STAC: variants seen among roughly 807,000 people sequenced by gnomAD.
STAC encodes the protein SH3 and cysteine-rich domain-containing protein.
Under a neutral mutation model 48.8 loss-of-function variants are expected in STAC, and 43 were observed. That is an observed-to-expected ratio of 0.88 (90% CI 0.69 to 1.14). The LOEUF is 1.14. Ranked by LOEUF, STAC falls within the 50% of genes most tolerant of loss-of-function variation. The probability of loss-of-function intolerance (pLI) is 0.00; values close to 1 mark genes in which losing one functional copy is unlikely to be tolerated. For missense variants in STAC, 497 were observed against 504.0 expected, an observed-to-expected ratio of 0.99 and a Z score of 0.13; for synonymous variants, 193 against 179.5, an observed-to-expected ratio of 1.07 and a Z score of -0.60.
chr3:36,400,560 T>C (rs1310065832), intron 1 of STAC, among the ~76,000 whole-genome samples: 1 of 152,192 alleles, frequency 6.6e-6, no homozygotes, highest in Non-Finnish European at 1.5e-5. Flanking sequence ...CCTTCAAGAA[T>C]GTTATAGAGC....
intron 1 of STAC, among the ~76,000 whole-genome samples, chr3:36,441,253 T>C (rs754422916): frequency 2.4e-4 from 36 of 152,324 alleles, no homozygotes; most frequent in Non-Finnish European, 4.3e-4. Context: ...CTTCTCCCTG[T>C]GCTTGCCAGT....
chr3:36,538,538 C>T (rs1014013622), intron 10 of STAC, among the ~76,000 whole-genome samples: 18 of 152,212 alleles, frequency 1.2e-4, no homozygotes, highest in African/African-American at 4.1e-4. Flanking sequence ...TGGAATTTAG[C>T]GGAAAACAGA....
intron 10 of STAC, among the ~76,000 whole-genome samples, chr3:36,533,491 T>A (rs1165227166): frequency 6.7e-6 from 1 of 150,022 alleles, no homozygotes; most frequent in South Asian, 2.1e-4. Flanking sequence ...TTTTTTTTTT[T>A]TTTTTTTTTT....
intron 2 of STAC, among the ~76,000 whole-genome samples, chr3:36,477,631 T>C (rs1259335786): frequency 1.3e-5 from 2 of 152,190 alleles, no homozygotes; most frequent in East Asian, 3.8e-4. Flanking sequence ...TTAAGCATAG[T>C]GGTAAATGAT....
At chr3:36,426,171 T>A (rs1700559717) in intron 1 of STAC, among the ~76,000 whole-genome samples, 1 of 152,244 alleles carries the variant, frequency 6.6e-6, no homozygotes, top group South Asian at 2.1e-4. Flanking sequence ...CTCCAACACC[T>A]GACAGCTAAT....
At chr3:36,414,262 CAG>C (rs1407115949) in intron 1 of STAC, among the ~76,000 whole-genome samples, 2 of 152,124 alleles carry the variant, frequency 1.3e-5, no homozygotes, top group African/African-American at 4.8e-5. Context: ...TAATATCCTG[CAG>C]AGTGTTTTCC....
intron 1 of STAC, among the ~76,000 whole-genome samples, chr3:36,394,471 T>G (rs1699816653): frequency 6.6e-6 from 1 of 152,174 alleles, no homozygotes; most frequent in East Asian, 1.9e-4. Context: ...ATTACTCACA[T>G]TTTACAAAGA....
chr3:36,479,829 T>C (rs550008087), intron 2 of STAC, among the ~76,000 whole-genome samples: 96 of 152,342 alleles, frequency 6.3e-4, no homozygotes, highest in Non-Finnish European at 1.1e-3. Context: ...ATAAAACAAG[T>C]CAGACCATGG....
intron 1 of STAC, among the ~76,000 whole-genome samples, chr3:36,425,718 A>G (rs1018183024): frequency 6.6e-5 from 10 of 151,972 alleles, no homozygotes; most frequent in Non-Finnish European, 1.5e-4. Context: ...ATTTTAAAAG[A>G]AAATGTTAGA....
intron 1 of STAC, among the ~76,000 whole-genome samples, chr3:36,422,633 G>C (rs1226817040): frequency 6.6e-6 from 1 of 151,966 alleles, no homozygotes; most frequent in African/African-American, 2.4e-5. Context: ...ATTATGTTTT[G>C]AGCATTAGTC....
intron 2 of STAC, among the ~76,000 whole-genome samples, chr3:36,471,998 T>G (rs965853610): frequency 1.3e-5 from 2 of 152,232 alleles, no homozygotes; most frequent in Non-Finnish European, 2.9e-5. Context: ...ACCCCACATT[T>G]CCCTTCTGCA....
chr3:36,500,464 G>A (rs1395424722), intron 6 of STAC, among the ~76,000 whole-genome samples: 1 of 152,088 alleles, frequency 6.6e-6, no homozygotes, highest in African/African-American at 2.4e-5. Context: ...GGTAGGGGAG[G>A]GAGAGTATTA....
intron 2 of STAC, among the ~76,000 whole-genome samples, chr3:36,464,949 CG>C (rs1349906259): frequency 6.6e-6 from 1 of 151,676 alleles, no homozygotes; most frequent in Non-Finnish European, 1.5e-5. Flanking sequence ...GTGTCTTTTT[CG>C]TATCATGACT....
intron 6 of STAC, among the ~76,000 whole-genome samples, chr3:36,500,453 A>G (rs959491782): frequency 1.3e-5 from 2 of 152,132 alleles, no homozygotes; most frequent in Non-Finnish European, 2.9e-5. Context: ...CAGGCGAAGG[A>G]GGTAGGGGAG....
chr3:36,498,680 G>C (rs1450507724), intron 6 of STAC, among the ~76,000 whole-genome samples: 3 of 152,108 alleles, frequency 2.0e-5, no homozygotes, highest in African/African-American at 7.2e-5. Flanking sequence ...TTGAACCTGG[G>C]AGTTTGAGGC....
intron 2 of STAC, among the ~76,000 whole-genome samples, chr3:36,463,823 G>C (rs1490614697): frequency 2.0e-5 from 3 of 151,858 alleles, no homozygotes; most frequent in South Asian, 4.2e-4. Context: ...CTTCATCCAT[G>C]TCCCTCCCTA....
intron 1 of STAC, chr3:36,409,396 A>C (rs1480496367): frequency 6.6e-6 from 1 of 152,206 alleles, no homozygotes; most frequent in Admixed American, 6.5e-5. Context: ...CTCAGGCTCC[A>C]TTAGCATTGG....
At chr3:36,502,898 T>C (rs1698312695) in intron 6 of STAC, among the ~76,000 whole-genome samples, 1 of 152,200 alleles carries the variant, frequency 6.6e-6, no homozygotes, top group Admixed American at 6.5e-5. Flanking sequence ...ATTGGCTTCC[T>C]AGGGATAATG....
chr3:36,461,224 G>A (rs1697009031), intron 2 of STAC, among the ~76,000 whole-genome samples: 1 of 152,072 alleles, frequency 6.6e-6, no homozygotes, highest in Non-Finnish European at 1.5e-5. Flanking sequence ...CTCGAATTCT[G>A]GTAAATCTGC....
Sources: gnomAD v4.1 joint callset for allele counts (sites outside exome capture counted in the v4.1 genomes callset) on GRCh38, gnomAD v4.1.1 for gene constraint, MANE v1.5 for transcripts, NCBI Gene and HGNC (gene_info 2026-07-23, HGNC 2026-07-21) for gene names.